The following SGCZ variants were observed in gnomAD, a reference collection of about 807,000 sequenced individuals.
SGCZ encodes the protein sarcoglycan zeta.
In SGCZ, 40 loss-of-function variants were observed where a neutral mutation model predicts 41.3. The ratio of observed to expected loss-of-function variants is 0.97; its 90% CI spans 0.75 to 1.26. SGCZ has a LOEUF of 1.26. Ranked by LOEUF, SGCZ falls within the 50% of genes most tolerant of loss-of-function variation. SGCZ has a pLI of 0.00. For missense variants in SGCZ, 552 were observed against 369.8 expected (o/e 1.49, Z -4.04); for synonymous variants, 206 against 137.5 (o/e 1.50, Z -3.49).
At position 14,306,174 on chromosome 8, in the gene SGCZ, T is replaced by A. The variant is rs72603999; in HGVS notation, c.336+17929A>T. On this transcript the variant is annotated intron_variant, in intron 3 of 7. Transcript: ENST00000382080. Reference sequence around the variant, plus strand: ...ATCATTACATATAACTTTTAGAAAATTAAACTATTTCCATAACCATCATGA... The same window carrying A: ...ATCATTACATATAACTTTTAGAAAAATAAACTATTTCCATAACCATCATGA... Among the ~76,000 whole-genome samples, 73 of 152,198 alleles carry A rather than the reference T, an allele frequency of 4.8e-4. 1 individual carries two copies. The East Asian group carries it at 9.1e-3, about 19-fold the overall frequency.
At chr8:14,881,010 C>T (rs929498203) in intron 1 of SGCZ, among the ~76,000 whole-genome samples, 6 of 151,796 alleles carry the variant, frequency 4.0e-5, no homozygotes, top group African/African-American at 1.5e-4. Context: ...ATACAAAACA[C>T]AGAGAAAGAG....
At chr8:14,663,557 A>G (rs1807820738) in intron 1 of SGCZ, among the ~76,000 whole-genome samples, 1 of 152,126 alleles carries the variant, frequency 6.6e-6, no homozygotes, top group South Asian at 2.1e-4. Flanking sequence ...AATAAGGGTA[A>G]TAACTCTTTT....
At chr8:14,914,789 T>G (rs1799378203) in intron 1 of SGCZ, among the ~76,000 whole-genome samples, 1 of 152,180 alleles carries the variant, frequency 6.6e-6, no homozygotes, top group Non-Finnish European at 1.5e-5. Flanking sequence ...AAAAACACAT[T>G]AATCCTTTCA....
Position 15,152,944 on chromosome 8 carries a change from T to C in SGCZ, c.39+84641A>G, listed in dbSNP as rs1025555155. 9.9e-5 allele frequency among the ~76,000 whole-genome samples: 15 copies of C among 152,230 alleles called. No individual in the cohort carries two copies. In the East Asian group the frequency reaches 2.5e-3, roughly 26 times the overall value. The stretch of plus-strand genomic sequence containing the variant: ...AGTCTCCTGGGTAGAGGAAAGGGTT[T>C]TGCAAATTTGGTGACCCGCTTTGGA... On this transcript the variant is annotated intron_variant, in intron 1 of 7. Transcript: ENST00000382080.
chr8:15,037,553 G>A (rs553226535), intron 1 of SGCZ, among the ~76,000 whole-genome samples: 1 of 152,102 alleles, frequency 6.6e-6, no homozygotes. Flanking sequence ...TTTCCTCTGA[G>A]ATCAGTACAT....
intron 2 of SGCZ, among the ~76,000 whole-genome samples, chr8:14,441,152 A>C (rs905640740): frequency 2.6e-5 from 4 of 152,170 alleles, no homozygotes; most frequent in Non-Finnish European, 4.4e-5. Context: ...TTAGTAAAAA[A>C]TTTACAATCA....
At chr8:14,829,864 T>C (rs930357915) in intron 1 of SGCZ, among the ~76,000 whole-genome samples, 1 of 152,150 alleles carries the variant, frequency 6.6e-6, no homozygotes, top group African/African-American at 2.4e-5. Context: ...CAGGCTGGAG[T>C]GCAGTGGCGC....
intron 2 of SGCZ, among the ~76,000 whole-genome samples, chr8:14,495,126 A>G (rs548336949): frequency 2.1e-3 from 324 of 152,272 alleles, no homozygotes; most frequent in Non-Finnish European, 4.0e-3. Flanking sequence ...TGGATTCAGT[A>G]CCAAGCGCTT....
At chr8:14,511,829 T>C (rs1418499180) in intron 2 of SGCZ, among the ~76,000 whole-genome samples, 1 of 152,132 alleles carries the variant, frequency 6.6e-6, no homozygotes, top group African/African-American at 2.4e-5. Flanking sequence ...TAGGTTAGGC[T>C]TGTTGTTTTT....
At chr8:14,949,259 G>T (rs539265064) in intron 1 of SGCZ, among the ~76,000 whole-genome samples, 1 of 152,158 alleles carries the variant, frequency 6.6e-6, no homozygotes, top group South Asian at 2.1e-4. Flanking sequence ...AAATATTTTC[G>T]CCTTTCAAGG....
intron 1 of SGCZ, among the ~76,000 whole-genome samples, chr8:14,902,776 G>A (rs1660053944): frequency 6.6e-6 from 1 of 152,072 alleles, no homozygotes; most frequent in Non-Finnish European, 1.5e-5. Context: ...GTTTACTGGG[G>A]AGGTCAGTTA....
chr8:14,338,749 T>C, intron 2 of SGCZ, among the ~76,000 whole-genome samples: 1 of 152,328 alleles, frequency 6.6e-6, no homozygotes, highest in East Asian at 1.9e-4. Context: ...CTGGCTTTTT[T>C]TGCCTTTACA....
intron 5 of SGCZ, among the ~76,000 whole-genome samples, chr8:14,124,627 C>A (rs1164885564): frequency 6.6e-6 from 1 of 152,164 alleles, no homozygotes; most frequent in African/African-American, 2.4e-5. Flanking sequence ...CATTGTTAGG[C>A]ATATCTTAAG....
chr8:14,240,016 G>C (rs59925393), intron 3 of SGCZ, among the ~76,000 whole-genome samples: 1 of 150,492 alleles, frequency 6.6e-6, no homozygotes, highest in Non-Finnish European at 1.5e-5. Context: ...ATTTAAAAGA[G>C]AAATAGACTT....
chr8:14,144,587 AGAAAAGCAGAGG>A (rs1249289019), intron 5 of SGCZ, among the ~76,000 whole-genome samples: 4 of 152,190 alleles, frequency 2.6e-5, no homozygotes, highest in African/African-American at 9.7e-5. Flanking sequence ...TTTCTACTGG[AGAAAAGCAGAGG>A]GAAAAGTAAA....
chr8:14,248,123 A>T (rs757020277), intron 3 of SGCZ, among the ~76,000 whole-genome samples: 28 of 152,206 alleles, frequency 1.8e-4, no homozygotes, highest in Admixed American at 3.3e-4. Flanking sequence ...TAAATTTTCT[A>T]GAATTCTAGA....
intron 2 of SGCZ, among the ~76,000 whole-genome samples, chr8:14,426,017 T>C (rs1262834933): frequency 6.6e-6 from 1 of 152,216 alleles, no homozygotes; most frequent in Non-Finnish European, 1.5e-5. Flanking sequence ...TTAACATTAA[T>C]TGCAATTTAA....
At chr8:14,871,000 G>A (rs948991269) in intron 1 of SGCZ, among the ~76,000 whole-genome samples, 1 of 152,066 alleles carries the variant, frequency 6.6e-6, no homozygotes, top group African/African-American at 2.4e-5. Context: ...CTGAAGTGAG[G>A]AATTTGAGAC....
intron 1 of SGCZ, among the ~76,000 whole-genome samples, chr8:14,603,994 C>A (rs1019212152): frequency 2.6e-5 from 4 of 151,998 alleles, no homozygotes; most frequent in African/African-American, 9.7e-5. Context: ...TAGCAAACTG[C>A]CCTAAAAGTA....
Sources: gnomAD v4.1 joint callset for allele counts (sites outside exome capture counted in the v4.1 genomes callset) on GRCh38, gnomAD v4.1.1 for gene constraint, MANE v1.5 for transcripts, NCBI Gene and HGNC (gene_info 2026-07-23, HGNC 2026-07-21) for gene names.